The following CNTNAP2 variants were observed in gnomAD, a reference collection of about 807,000 sequenced individuals.
CNTNAP2 encodes the protein contactin associated protein 2.
CNTNAP2 carries 98 observed loss-of-function variants against 155.2 expected under a neutral mutation model. The ratio of observed to expected loss-of-function variants is 0.63; its 90% CI spans 0.54 to 0.75. The LOEUF (loss-of-function observed/expected upper bound fraction) is 0.75, where lower values mean the gene tolerates loss of function less well. Among genes scored for constraint, CNTNAP2 ranks in the 30% least tolerant of loss-of-function variants. The pLI, the probability that CNTNAP2 is intolerant of heterozygous loss-of-function variation, is 0.00. For missense variants in CNTNAP2, 1,727 were observed against 1,688.1 expected (o/e 1.02, Z -0.40); for synonymous variants, 651 against 631.2 (o/e 1.03, Z -0.47).
chr7:146,991,324 T>G (rs918052652), intron 3 of CNTNAP2, among the ~76,000 whole-genome samples: 2 of 152,084 alleles, frequency 1.3e-5, no homozygotes, highest in Non-Finnish European at 2.9e-5. Context: ...AGAATTTAAT[T>G]CAAATGTAAA....
intron 3 of CNTNAP2, among the ~76,000 whole-genome samples, chr7:146,934,308 G>C (rs1160416910): frequency 3.3e-5 from 5 of 151,846 alleles, no homozygotes; most frequent in Admixed American, 6.6e-5. Flanking sequence ...GGATGAAATT[G>C]GAAATCATCA....
intron 1 of CNTNAP2, among the ~76,000 whole-genome samples, chr7:146,252,937 C>T (rs114360492): frequency 0.014 from 2,121 of 152,180 alleles, 51 homozygotes; most frequent in African/African-American, 0.047. Flanking sequence ...GGACTCCTGC[C>T]ATTTACTGTT....
chr7:147,252,647 G>A (rs1316926260), intron 8 of CNTNAP2, among the ~76,000 whole-genome samples: 3 of 152,126 alleles, frequency 2.0e-5, no homozygotes, highest in African/African-American at 4.8e-5. Context: ...TTGGGGGGAA[G>A]GTGATATGAG....
intron 1 of CNTNAP2, among the ~76,000 whole-genome samples, chr7:146,207,394 T>C (rs1013026170): frequency 1.3e-5 from 2 of 152,022 alleles, no homozygotes; most frequent in African/African-American, 4.8e-5. Flanking sequence ...ATTCAAGATG[T>C]ACTGAGTTTA....
chr7:147,521,894 G>T (rs910539456), intron 11 of CNTNAP2, among the ~76,000 whole-genome samples: 1 of 152,154 alleles, frequency 6.6e-6, no homozygotes, highest in Non-Finnish European at 1.5e-5. Context: ...TGAGAGAGTG[G>T]TTCAGCTACC....
In CNTNAP2 at chr7:146,702,360, G is replaced by A. The variant is rs563635501; in HGVS notation, c.98-71911G>A. On this transcript the variant is annotated intron_variant, in intron 1 of 23. Coordinates refer to ENST00000361727, the MANE Select transcript of CNTNAP2 (RefSeq NM_014141.6). ...GAATTGTGAAATTATTTAGAAAAGC[G>A]TTCTATAGAAAAAATTAAGTATTTT... Among the ~76,000 whole-genome samples the A allele has an allele frequency of 9.9e-5, 15 of 152,044 alleles. No homozygotes were observed. The South Asian group carries it at 2.3e-3, about 23-fold the overall frequency.
chr7:147,167,556 C>A, intron 8 of CNTNAP2: 1 of 814,274 alleles, frequency 1.2e-6, no homozygotes, highest in Non-Finnish European at 2.0e-6. Context: ...AACTGCTCTC[C>A]CAGATGACGA....
intron 4 of CNTNAP2, among the ~76,000 whole-genome samples, chr7:147,056,167 T>C (rs970581459): frequency 5.3e-5 from 8 of 152,168 alleles, no homozygotes; most frequent in African/African-American, 1.9e-4. Flanking sequence ...TCTTCCCTGT[T>C]ATCAGAACAG....
chr7:146,842,738 T>G (rs1443996975), intron 3 of CNTNAP2, among the ~76,000 whole-genome samples: 6 of 152,006 alleles, frequency 3.9e-5, no homozygotes, highest in Non-Finnish European at 1.5e-5. Context: ...CAGGCTGGAG[T>G]GCAGTGACGC....
rs1452049870 is a variant in CNTNAP2 at position 146,400,908 on chromosome 7, G to A, written c.97+283935G>A. Among the ~76,000 whole-genome samples the A allele has an allele frequency of 5.9e-5, 9 of 152,178 alleles. 1 individual carries two copies. The highest frequency in any genetic ancestry group is 3.9e-4 in the Admixed American group (6 of 15,270). On this transcript the variant is annotated intron_variant, in intron 1 of 23. Transcript: ENST00000361727. ...AAATTCTCCCTTTACAGAAGATGAC[G>A]TGCAGATTATTAAAAACTGAGAATC...
intron 19 of CNTNAP2, 35 bp downstream of exon 19, chr7:148,217,559 C>G: frequency 6.3e-7 from 1 of 1,590,776 alleles, no homozygotes; most frequent in Non-Finnish European, 8.6e-7. Flanking sequence ...TGCCATTTAA[C>G]ATTTGGGCAG....
In CNTNAP2 at chr7:148,398,930, T is replaced by C. The variant is rs1799528764; in HGVS notation, c.3716-10461T>C. 2.6e-5 allele frequency among the ~76,000 whole-genome samples: 4 copies of C among 152,186 alleles called. No individual in the cohort carries two copies. In the South Asian group the frequency reaches 8.3e-4, roughly 32 times the overall value. ...TTTTGACTTACTATAATTGGTTGCT[T>C]TCCTCTTTTAACTATCATAATTTTC... On this transcript the variant is annotated intron_variant, in intron 22 of 23. Coordinates refer to ENST00000361727, the MANE Select transcript of CNTNAP2 (RefSeq NM_014141.6).
intron 3 of CNTNAP2, among the ~76,000 whole-genome samples, chr7:146,879,201 T>A (rs1232238103): frequency 6.6e-6 from 1 of 152,190 alleles, no homozygotes. Flanking sequence ...TTTGATTTAC[T>A]CTTCTGACTA....
intron 19 of CNTNAP2, among the ~76,000 whole-genome samples, chr7:148,218,437 G>T (rs1308644150): frequency 1.3e-5 from 2 of 152,060 alleles, no homozygotes; most frequent in Non-Finnish European, 2.9e-5. Context: ...TGTTGCCCAG[G>T]CTTGAGTACA....
chr7:146,750,042 C>T (rs761223890), intron 1 of CNTNAP2, among the ~76,000 whole-genome samples: 16 of 152,138 alleles, frequency 1.1e-4, no homozygotes, highest in Non-Finnish European at 1.5e-4. Flanking sequence ...CTGGAATGTA[C>T]AAGTGGTTAT....
At position 147,834,545 on chromosome 7, in the gene CNTNAP2, T is replaced by G. The variant is rs574612052; in HGVS notation, c.2099-69020T>G. 2.9e-4 allele frequency among the ~76,000 whole-genome samples: 44 copies of G among 152,296 alleles called. 2 individuals are homozygous for G. In the South Asian group the frequency reaches 8.5e-3, roughly 29 times the overall value. ...TTTTCAATTATTTCTTTCCCTTTGG[T>G]ACTCTGACAGACTAATGTTTCTGGG... is the stretch of plus-strand genomic sequence containing the variant. On this transcript the variant is annotated intron_variant, in intron 13 of 23. Transcript: ENST00000361727.
intron 14 of CNTNAP2, among the ~76,000 whole-genome samples, chr7:147,933,767 G>A (rs1800553338): frequency 6.6e-6 from 1 of 152,106 alleles, no homozygotes; most frequent in Non-Finnish European, 1.5e-5. Flanking sequence ...AGAGGCTGAG[G>A]TGGGAGAATC....
intron 2 of CNTNAP2, among the ~76,000 whole-genome samples, chr7:146,775,471 T>C (rs907532574): frequency 6.7e-6 from 1 of 150,128 alleles, no homozygotes; most frequent in African/African-American, 2.5e-5. Flanking sequence ...AAATAAGAAA[T>C]GTGAAATCAT....
chr7:147,466,786 C>T (rs1055948100), intron 10 of CNTNAP2, among the ~76,000 whole-genome samples: 2 of 152,044 alleles, frequency 1.3e-5, no homozygotes, highest in African/African-American at 2.4e-5. Context: ...GGCATGGTGG[C>T]GGGTGCCTGT....
Sources: gnomAD v4.1 joint callset for allele counts (sites outside exome capture counted in the v4.1 genomes callset) on GRCh38, gnomAD v4.1.1 for gene constraint, MANE v1.5 for transcripts, NCBI Gene and HGNC (gene_info 2026-07-23, HGNC 2026-07-21) for gene names.